Variants in RBM33 observed in about 807,000 individuals in gnomAD.
The protein encoded by RBM33 is RNA-binding protein 33.
Under a neutral mutation model 132.6 loss-of-function variants are expected in RBM33, and 28 were observed. The ratio of observed to expected loss-of-function variants is 0.21; its 90% CI spans 0.16 to 0.29. The LOEUF (loss-of-function observed/expected upper bound fraction) is 0.29. Ranked by LOEUF, RBM33 falls within the 10% of genes least tolerant of loss-of-function variation. The pLI is 1.00. For missense variants in RBM33, 1,291 were observed against 1,518.5 expected (o/e 0.85, Z 2.49); for synonymous variants, 634 against 593.0 (o/e 1.07, Z -1.01).
chr7:155,716,316 G>GCTTTTTTTTTTTTTTTTTTTTT (rs1554477957), intron 8 of RBM33, among the ~76,000 whole-genome samples: 1 of 102,384 alleles, frequency 9.8e-6, no homozygotes, highest in Non-Finnish European at 1.9e-5. Context: ...CTTTTCTGCT[G>GCTTTTTTTTTTTTTTTTTTTTT]TTTTTTTTTT....
At chr7:155,756,392 G>A (rs1266444879) in intron 14 of RBM33, among the ~76,000 whole-genome samples, 1 of 152,186 alleles carries the variant, frequency 6.6e-6, no homozygotes, top group African/African-American at 2.4e-5. Flanking sequence ...ATAAAAATAT[G>A]TAATCAATTT....
At chr7:155,748,801 G>A (rs1801600809) in intron 14 of RBM33, among the ~76,000 whole-genome samples, 1 of 151,974 alleles carries the variant, frequency 6.6e-6, no homozygotes, top group Non-Finnish European at 1.5e-5. Flanking sequence ...GTATGCGTGT[G>A]CATAGGGAAC....
chr7:155,772,372 G>A (rs1326204475), intron 16 of RBM33, among the ~76,000 whole-genome samples: 1 of 152,182 alleles, frequency 6.6e-6, no homozygotes, highest in African/African-American at 2.4e-5. Context: ...GAACAGATAG[G>A]ATTTTCTCTT....
At chr7:155,685,262 G>A (rs1402875480) in intron 5 of RBM33, among the ~76,000 whole-genome samples, 1 of 152,160 alleles carries the variant, frequency 6.6e-6, no homozygotes, top group African/African-American at 2.4e-5. Flanking sequence ...GTGTTAGAGT[G>A]TTGTAAATGT....
At chr7:155,653,071 C>G (rs971386751) in intron 1 of RBM33, among the ~76,000 whole-genome samples, 1 of 152,062 alleles carries the variant, frequency 6.6e-6, no homozygotes, top group Non-Finnish European at 1.5e-5. Flanking sequence ...CATTATATAT[C>G]TATACTATTT....
chr7:155,660,655 T>C (rs1253369232), intron 1 of RBM33, among the ~76,000 whole-genome samples: 2 of 152,248 alleles, frequency 1.3e-5, no homozygotes, highest in Non-Finnish European at 2.9e-5. Context: ...GTCTTGGTGC[T>C]TTCAAGGTTT....
chr7:155,683,356 T>C (rs1444414418), intron 5 of RBM33, among the ~76,000 whole-genome samples: 2 of 152,210 alleles, frequency 1.3e-5, no homozygotes, highest in African/African-American at 4.8e-5. Flanking sequence ...CATGAGCAGA[T>C]TGTGTCTCTG....
chr7:155,690,619 C>T (rs1252188829), intron 5 of RBM33, among the ~76,000 whole-genome samples: 4 of 152,140 alleles, frequency 2.6e-5, no homozygotes, highest in African/African-American at 7.2e-5. Context: ...TTGTTCCTTT[C>T]CACGTTTACT....
At chr7:155,743,091 G>A (rs1265085872) in intron 13 of RBM33, among the ~76,000 whole-genome samples, 4 of 152,086 alleles carry the variant, frequency 2.6e-5, no homozygotes, top group African/African-American at 7.2e-5. Flanking sequence ...ATATATTATT[G>A]TAGCAGTTGT....
At position 155,745,023 on chromosome 7, in the gene RBM33, A is replaced by G. The variant is rs377696662; in HGVS notation, c.2400A>G (p.Leu800=). The change falls in exon 14 of 18, where the codon CTA becomes CTG. Residue 800 remains leucine (L), a synonymous_variant. Coordinates refer to ENST00000401878, the MANE Select transcript of RBM33 (RefSeq NM_053043.3). This position sits in a 1 kb window ranked among gnomAD's most constrained non-coding sequence, Gnocchi z 4.1. ...YRLKIEEQKR[L]REEILKQKEL... ...TAAAGATAGAAGAACAGAAACGCCT[A>G]AGAGAAGAAATCCTGAAACAGAAGG... is the stretch of plus-strand genomic sequence containing the variant. 1 of 1,610,448 alleles carries G rather than the reference A, an allele frequency of 6.2e-7. No homozygotes were observed. The highest frequency in any genetic ancestry group is 8.5e-7 in the Non-Finnish European group (1 of 1,178,820).
intron 9 of RBM33, among the ~76,000 whole-genome samples, chr7:155,730,582 T>TAAA (rs1208421129): frequency 6.6e-6 from 1 of 152,200 alleles, no homozygotes; most frequent in Non-Finnish European, 1.5e-5. Flanking sequence ...CTGTAGCTGG[T>TAAA]AAGTGGCTGG....
intron 9 of RBM33, among the ~76,000 whole-genome samples, chr7:155,728,663 A>T (rs1800863463): frequency 6.6e-6 from 1 of 152,186 alleles, no homozygotes; most frequent in Non-Finnish European, 1.5e-5. Context: ...GACTTGATGT[A>T]GTACTTACTG....
chr7:155,742,671 G>A (rs1317434539), intron 13 of RBM33, among the ~76,000 whole-genome samples: 1 of 152,184 alleles, frequency 6.6e-6, no homozygotes, highest in Non-Finnish European at 1.5e-5. Flanking sequence ...TAAGATTTCT[G>A]GGGGTTTGCT....
chr7:155,702,996 C>A (rs1019603485), intron 6 of RBM33, among the ~76,000 whole-genome samples: 6 of 152,154 alleles, frequency 3.9e-5, no homozygotes, highest in Admixed American at 3.9e-4. Context: ...CGTCTTTCCT[C>A]TTCTGTACCA....
chr7:155,742,204 A>C, intron 13 of RBM33, 98 bp downstream of exon 13: 2 of 1,201,216 alleles, frequency 1.7e-6, no homozygotes, highest in African/African-American at 1.6e-5. Context: ...TATTCACAAA[A>C]TCTTCCCACT....
chr7:155,668,108 T>G (rs1479686354), intron 2 of RBM33, among the ~76,000 whole-genome samples: 2 of 152,222 alleles, frequency 1.3e-5, no homozygotes, highest in Non-Finnish European at 2.9e-5. Flanking sequence ...TTTCCGATTG[T>G]CTCTTATATT....
intron 7 of RBM33, among the ~76,000 whole-genome samples, chr7:155,707,996 T>C (rs377370858): frequency 6.6e-6 from 1 of 152,242 alleles, no homozygotes; most frequent in East Asian, 1.9e-4. Flanking sequence ...TGTATGGCTT[T>C]TTACTTAGAA....
chr7:155,652,771 A>G (rs1301124153), intron 1 of RBM33, among the ~76,000 whole-genome samples: 1 of 152,156 alleles, frequency 6.6e-6, no homozygotes, highest in Non-Finnish European at 1.5e-5. Context: ...GCTTTCATGG[A>G]TGTGCTGTTC....
At chr7:155,762,202 C>G (rs1166972648) in intron 14 of RBM33, among the ~76,000 whole-genome samples, 1 of 152,190 alleles carries the variant, frequency 6.6e-6, no homozygotes, top group Non-Finnish European at 1.5e-5. Flanking sequence ...CTGGAATTTC[C>G]TCATTAGGTT....
Sources: allele counts gnomAD v4.1 joint callset (sites outside exome capture counted in the v4.1 genomes callset), GRCh38; gene constraint gnomAD v4.1.1; non-coding constraint Gnocchi (gnomAD v3.1); transcripts MANE v1.5; gene names NCBI Gene and HGNC (gene_info 2026-07-23, HGNC 2026-07-21).